GRIN2A: variants seen among roughly 807,000 people sequenced by gnomAD.
GRIN2A encodes glutamate ionotropic receptor NMDA type subunit 2A.
Under a neutral mutation model 113.4 loss-of-function variants are expected in GRIN2A, and 22 were observed. That is an observed-to-expected ratio of 0.19 (90% CI 0.14 to 0.28). GRIN2A has a LOEUF of 0.28. Among genes scored for constraint, GRIN2A ranks in the 10% least tolerant of loss-of-function variants. GRIN2A has a pLI of 1.00. For synonymous variants in GRIN2A, 827 were observed against 738.4 expected (o/e 1.12, Z -1.94); for missense variants, 1,502 against 1,887.0 (o/e 0.80, Z 3.78).
intron 2 of GRIN2A, among the ~76,000 whole-genome samples, chr16:10,169,814 C>A (rs1440326389): frequency 1.3e-5 from 2 of 152,192 alleles, no homozygotes; most frequent in African/African-American, 4.8e-5. Flanking sequence ...GGAGCTATCA[C>A]CTCCCTTGAT....
intron 2 of GRIN2A, among the ~76,000 whole-genome samples, chr16:10,076,337 G>A (rs541230916): frequency 1.3e-5 from 2 of 152,254 alleles, no homozygotes; most frequent in Admixed American, 1.3e-4. Context: ...GAATGTTGAC[G>A]AGGCAACAAC....
chr16:9,834,491 C>T (rs1275521948), intron 7 of GRIN2A, among the ~76,000 whole-genome samples: 2 of 152,158 alleles, frequency 1.3e-5, no homozygotes, highest in African/African-American at 4.8e-5. Flanking sequence ...AAGCAATTCT[C>T]CTGCCTCAGC....
At chr16:10,040,721 G>A (rs533327356) in intron 2 of GRIN2A, among the ~76,000 whole-genome samples, 12 of 152,128 alleles carry the variant, frequency 7.9e-5, no homozygotes, top group South Asian at 6.2e-4. Flanking sequence ...CACACCATAG[G>A]CACACTGCAC....
rs34847596 is a variant in GRIN2A, at chr16:9,769,451, C to CTT, written c.2357-364_2357-363dup. Among the ~76,000 whole-genome samples, 12 of 104,868 alleles carry CTT rather than the reference C, an allele frequency of 1.1e-4. No homozygotes were observed. The East Asian group carries it at 1.3e-3, about 11-fold the overall frequency. 68.8% of individuals were successfully genotyped at this position (104,868 alleles called of 152,430 possible). A position where few individuals can be genotyped will look rare whatever the true frequency, so the allele number is the denominator to read the frequency against. On this transcript the variant is annotated intron_variant, in intron 11 of 12. Coordinates refer to ENST00000330684, the MANE Select transcript of GRIN2A (RefSeq NM_001134407.3). ...CTGGTTTTGTTTTTTGGAGTTTTGT[C>CTT]TTTTTTTTTTTTTTTTTTTTGGTCA...
intron 2 of GRIN2A, among the ~76,000 whole-genome samples, chr16:10,114,226 C>T (rs1223684390): frequency 6.6e-6 from 1 of 152,072 alleles, no homozygotes; most frequent in Non-Finnish European, 1.5e-5. Flanking sequence ...TTTTAAAAAA[C>T]AAATCCTTCA....
chr16:9,980,766 C>G, intron 2 of GRIN2A, among the ~76,000 whole-genome samples: 1 of 144,914 alleles, frequency 6.9e-6, no homozygotes, highest in Non-Finnish European at 1.5e-5. Context: ...CATGTTCTCA[C>G]TCATAGGTGG....
chr16:10,066,082 A>G (rs1181851285), intron 2 of GRIN2A, among the ~76,000 whole-genome samples: 1 of 152,200 alleles, frequency 6.6e-6, no homozygotes, highest in East Asian at 1.9e-4. Flanking sequence ...CCCCCAGCAC[A>G]TCTTAGGAAC....
At chr16:9,856,275 C>T (rs995022000) in intron 4 of GRIN2A, among the ~76,000 whole-genome samples, 3 of 152,096 alleles carry the variant, frequency 2.0e-5, no homozygotes, top group Non-Finnish European at 4.4e-5. Flanking sequence ...TAATCACTAC[C>T]TCCCTTTTTG....
chr16:10,085,993 G>A (rs2048079205), intron 2 of GRIN2A, among the ~76,000 whole-genome samples: 1 of 152,094 alleles, frequency 6.6e-6, no homozygotes, highest in Non-Finnish European at 1.5e-5. Flanking sequence ...TAATGCCTGG[G>A]GCCATATTGG....
At chr16:9,948,987 C>G (rs1204879123) in intron 2 of GRIN2A, among the ~76,000 whole-genome samples, 1 of 152,076 alleles carries the variant, frequency 6.6e-6, no homozygotes, top group Non-Finnish European at 1.5e-5. Context: ...TGGAGGGGAG[C>G]TGGGGTATCT....
At chr16:9,927,927 G>A (rs572594692) in intron 3 of GRIN2A, among the ~76,000 whole-genome samples, 2 of 152,268 alleles carry the variant, frequency 1.3e-5, no homozygotes, top group African/African-American at 4.8e-5. Flanking sequence ...CTTTGTGTTT[G>A]GCCAGGACTT....
At position 9,834,164 on chromosome 16, in the gene GRIN2A, A is replaced by G; in HGVS notation, c.1718T>C (p.Val573Ala). 1 of 1,613,668 alleles carries G rather than the reference A, an allele frequency of 6.2e-7. No homozygotes were observed. Among genetic ancestry groups the G allele is most frequent in the Non-Finnish European group, 8.5e-7 (1 of 1,179,578 alleles). ...AGGGCTGAAGTATTCAAAGACAAAA[A>G]CAGCTATGGCAGAAACAATGAGCAG... is the stretch of plus-strand genomic sequence containing the variant. ...VMLLIVSAIAVFVFEYFSPVG... is the reference protein window; with the variant it reads ...VMLLIVSAIAAFVFEYFSPVG... The change falls in exon 8 of 13, where the codon GTT becomes GCT. Residue 573 changes from valine (V) to alanine (A), a missense_variant. Transcript: ENST00000330684.
intron 2 of GRIN2A, among the ~76,000 whole-genome samples, chr16:10,170,871 T>C (rs2050027614): frequency 7.7e-6 from 1 of 129,232 alleles, no homozygotes; most frequent in South Asian, 3.7e-4. Context: ...AGTGAAACAC[T>C]GTTTTCTTTA....
At chr16:9,945,237 G>A (rs569784622) in intron 2 of GRIN2A, among the ~76,000 whole-genome samples, 1 of 152,206 alleles carries the variant, frequency 6.6e-6, no homozygotes, top group Admixed American at 6.5e-5. Flanking sequence ...GTGGGGTGGA[G>A]AGAGGAGCCC....
intron 10 of GRIN2A, among the ~76,000 whole-genome samples, chr16:9,816,028 A>G (rs1454895596): frequency 6.6e-6 from 1 of 152,258 alleles, no homozygotes; most frequent in Non-Finnish European, 1.5e-5. Flanking sequence ...ATACCGTATG[A>G]TTCCACTTAG....
At chr16:9,884,557 T>C (rs2043551601) in intron 4 of GRIN2A, among the ~76,000 whole-genome samples, 2 of 151,806 alleles carry the variant, frequency 1.3e-5, no homozygotes, top group Non-Finnish European at 2.9e-5. Flanking sequence ...TTGAAATAAA[T>C]AAATAAATAA....
At chr16:9,831,250 T>A (rs140825419) in intron 8 of GRIN2A, among the ~76,000 whole-genome samples, 41 of 152,298 alleles carry the variant, frequency 2.7e-4, no homozygotes, top group African/African-American at 9.9e-4. Flanking sequence ...GGAGAACGTA[T>A]TGCAAGGATG....
intron 5 of GRIN2A, among the ~76,000 whole-genome samples, chr16:9,847,536 G>T (rs1227038244): frequency 6.6e-6 from 1 of 151,796 alleles, no homozygotes; most frequent in Non-Finnish European, 1.5e-5. Flanking sequence ...CTGCACTCCA[G>T]CCTGGGGGAC....
At chr16:9,790,360 A>G (rs1045469140) in intron 11 of GRIN2A, among the ~76,000 whole-genome samples, 3 of 152,222 alleles carry the variant, frequency 2.0e-5, no homozygotes, top group African/African-American at 7.2e-5. Flanking sequence ...CTCGCTGTGC[A>G]TCTTTAGGTG....
Sources: gnomAD v4.1 joint callset for allele counts (sites outside exome capture counted in the v4.1 genomes callset) on GRCh38, gnomAD v4.1.1 for gene constraint, MANE v1.5 for transcripts, NCBI Gene and HGNC (gene_info 2026-07-23, HGNC 2026-07-21) for gene names.